The following GDPD1 variants were observed in gnomAD, a reference collection of about 807,000 sequenced individuals.
GDPD1 encodes the protein lysophospholipase D GDPD1.
In GDPD1, 28 loss-of-function variants were observed where a neutral mutation model predicts 45.1. That is an observed-to-expected ratio of 0.62 (90% CI 0.46 to 0.85). GDPD1 has a LOEUF of 0.85. Among genes scored for constraint, GDPD1 ranks in the 40% least tolerant of loss-of-function variants. GDPD1 has a pLI of 0.00. For synonymous variants in GDPD1, 139 were observed against 131.4 expected (o/e 1.06, Z -0.40); for missense variants, 256 against 364.8 (o/e 0.70, Z 2.43).
intron 1 of GDPD1, among the ~76,000 whole-genome samples, chr17:59,222,890 G>T (rs982801231): frequency 9.9e-5 from 15 of 152,076 alleles, no homozygotes; most frequent in African/African-American, 3.4e-4. Flanking sequence ...GTTGTTTACC[G>T]ATTTACAAAA....
Position 59,275,300 on chromosome 17 carries a change from C to G in GDPD1, c.*1527C>G, listed in dbSNP as rs549381624. ...ATACATAATCAGCAGCAGCCAGGCTCAAGAAAATAAAAGTTGATTAGTTGA... is the reference window on the plus strand; with the variant it reads ...ATACATAATCAGCAGCAGCCAGGCTGAAGAAAATAAAAGTTGATTAGTTGA... On this transcript the variant is annotated 3_prime_UTR_variant, in exon 10 of 10. Transcript: ENST00000284116. 3.5e-5 allele frequency: 32 copies of G among 913,616 alleles called. No individual in the cohort carries two copies. Among genetic ancestry groups the G allele is most frequent in the Admixed American group, 2.4e-4 (10 of 41,580 alleles). The allele number at this position is 913,616 out of a possible 1,614,324, so 56.6% of individuals were successfully genotyped here.
chr17:59,234,877 A>G (rs2047119954), intron 2 of GDPD1, among the ~76,000 whole-genome samples: 1 of 152,150 alleles, frequency 6.6e-6, no homozygotes, highest in African/African-American at 2.4e-5. Flanking sequence ...AGTGGCTGCT[A>G]TTTATGAACA....
At chr17:59,237,258 CGGGCGTGGTG>C (rs2047139817) in intron 2 of GDPD1, among the ~76,000 whole-genome samples, 1 of 151,852 alleles carries the variant, frequency 6.6e-6, no homozygotes, top group South Asian at 2.1e-4. Context: ...AAAAATTAAC[CGGGCGTGGTG>C]GTGCAAGCTG....
intron 1 of GDPD1, among the ~76,000 whole-genome samples, chr17:59,226,944 G>A (rs910892887): frequency 1.3e-5 from 2 of 151,460 alleles, no homozygotes; most frequent in Admixed American, 6.6e-5. Flanking sequence ...GCCTCCCAAT[G>A]TGTGGGGATT....
At chr17:59,249,324 G>A (rs968445004) in intron 4 of GDPD1, 3 of 152,212 alleles carry the variant, frequency 2.0e-5, no homozygotes, top group African/African-American at 7.2e-5. Flanking sequence ...GAACCTGGGA[G>A]GCGGAGGTTG....
intron 1 of GDPD1, among the ~76,000 whole-genome samples, chr17:59,228,170 T>TAAAAAAAAAA (rs36140380): frequency 4.4e-5 from 4 of 91,658 alleles, no homozygotes; most frequent in African/African-American, 1.3e-4. Flanking sequence ...AGACTCCATC[T>TAAAAAAAAAA]AAAAAAAAAA....
At chr17:59,239,067 G>A (rs1022912911) in intron 2 of GDPD1, among the ~76,000 whole-genome samples, 5 of 152,146 alleles carry the variant, frequency 3.3e-5, no homozygotes, top group Admixed American at 6.6e-5. Flanking sequence ...AGTATTAGCC[G>A]GAATGGTAAG....
intron 6 of GDPD1, 138 bp downstream of exon 6, chr17:59,257,978 G>A (rs2147896571): frequency 2.2e-6 from 1 of 453,404 alleles, no homozygotes; most frequent in Non-Finnish European, 3.8e-6. Flanking sequence ...CCAGGCTGGA[G>A]TGCAGTGGTG....
chr17:59,258,657 T>G (rs534339076), intron 6 of GDPD1, among the ~76,000 whole-genome samples: 1 of 152,350 alleles, frequency 6.6e-6, no homozygotes, highest in South Asian at 2.1e-4. Context: ...GATTTGAACC[T>G]AGCAATATAA....
intron 7 of GDPD1, among the ~76,000 whole-genome samples, chr17:59,268,536 G>A (rs1441620254): frequency 4.8e-5 from 6 of 126,272 alleles, no homozygotes; most frequent in Admixed American, 2.0e-4. Flanking sequence ...CGGAGATTGC[G>A]CCACTGCACT....
At chr17:59,252,413 A>G (rs1289202906) in intron 4 of GDPD1, among the ~76,000 whole-genome samples, 1 of 151,126 alleles carries the variant, frequency 6.6e-6, no homozygotes, top group Non-Finnish European at 1.5e-5. Context: ...TAATTTTTGT[A>G]TTTTTAGTAG....
chr17:59,245,453 C>A lies in GDPD1; in HGVS notation c.225C>A (p.Cys75Ter). ...KIGTDMLELD[C>*]HITKDEQVVV... Reference sequence around the variant, plus strand: ...GAACTGATATGCTAGAATTGGACTGCCATATCACAAAAGATGAACAAGTTG... The same window carrying A: ...GAACTGATATGCTAGAATTGGACTGACATATCACAAAAGATGAACAAGTTG... The change falls in exon 3 of 10, where the codon TGC becomes TGA. Residue 75 changes from cysteine to a stop codon, truncating the protein, a stop_gained. Coordinates refer to ENST00000284116, the MANE Select transcript of GDPD1 (RefSeq NM_182569.4). LOFTEE classifies it high-confidence loss of function. The A allele has an allele frequency of 6.2e-7, 1 of 1,609,380 alleles. No homozygotes were observed. Among genetic ancestry groups the A allele is most frequent in the Admixed American group, 1.7e-5 (1 of 59,892 alleles).
intron 6 of GDPD1, among the ~76,000 whole-genome samples, chr17:59,264,910 G>T (rs1335218460): frequency 6.6e-6 from 1 of 151,296 alleles, no homozygotes; most frequent in South Asian, 2.1e-4. Flanking sequence ...GCTCAATCTT[G>T]GCTCACTGCA....
rs187435434 is a variant in GDPD1 at position 59,263,733 on chromosome 17, G to A, written c.577-3308G>A. On this transcript the variant is annotated intron_variant, in intron 6 of 9. Coordinates refer to ENST00000284116, the MANE Select transcript of GDPD1 (RefSeq NM_182569.4). ...AACCTCAGGTGATCCACCTGCCTCGGCCTCCCAAAGTGCTGGGATTACAGG... is the reference window on the plus strand; with the variant it reads ...AACCTCAGGTGATCCACCTGCCTCGACCTCCCAAAGTGCTGGGATTACAGG... 4.2e-3 allele frequency among the ~76,000 whole-genome samples: 645 copies of A among 151,804 alleles called. 5 individuals are homozygous for A. The highest frequency in any genetic ancestry group is 0.015 in the African/African-American group (611 of 41,408).
Position 59,251,673 on chromosome 17 carries a change from G to T in GDPD1, c.367+2888G>T, listed in dbSNP as rs537207046. 6.6e-5 allele frequency among the ~76,000 whole-genome samples: 10 copies of T among 152,086 alleles called. No individual in the cohort carries two copies. In the East Asian group the frequency reaches 1.2e-3, roughly 18 times the overall value. On this transcript the variant is annotated intron_variant, in intron 4 of 9. Transcript: ENST00000284116. ...TTTAGGACTGATCCTCAAATGTGAA[G>T]TTGACTGCATTTGGAACAGACTAAT...
In GDPD1 at chr17:59,275,153, T is replaced by C. The variant is rs1312881439; in HGVS notation, c.*1380T>C. On this transcript the variant is annotated 3_prime_UTR_variant, in exon 10 of 10. Coordinates refer to ENST00000284116, the MANE Select transcript of GDPD1 (RefSeq NM_182569.4). ...CACTGCACCCGGCCAGTAAAAGAAA[T>C]TTTGAAGGCCATTGCAGCTATTTGG... The C allele has an allele frequency of 6.5e-7, 1 of 1,537,050 alleles. No homozygotes were observed. Among genetic ancestry groups the C allele is most frequent in the Non-Finnish European group, 8.7e-7 (1 of 1,146,726 alleles).
rs1203946108 is a variant in GDPD1, at chr17:59,255,762, AATATAT to A, written c.368-1342_368-1337del. 3.0e-3 allele frequency among the ~76,000 whole-genome samples: 134 copies of A among 44,320 alleles called. 1 individual carries two copies. Among genetic ancestry groups the A allele is most frequent in the Non-Finnish European group, 3.6e-3 (103 of 28,394 alleles). The allele number at this position is 44,320 out of a possible 152,430, so 29.1% of individuals were successfully genotyped here. ...CCGTCTCAAAAAAAAAAAAAAAAAA[AATATAT>A]ATATATATATATATATACGCGTATA... On this transcript the variant is annotated intron_variant, in intron 4 of 9. Transcript: ENST00000284116.
At position 59,270,949 on chromosome 17, in the gene GDPD1, C is replaced by T; in HGVS notation, c.724C>T (p.His242Tyr). 6.2e-7 allele frequency: 1 copy of T among 1,602,274 alleles called. No homozygotes were observed. The highest frequency in any genetic ancestry group is 8.5e-7 in the Non-Finnish European group (1 of 1,172,728). ...ATTTTACCCTAGGCTAAAAGAACCACACACCATGTCCAGAAGTCAAAAGTT... is the reference window on the plus strand; with the variant it reads ...ATTTTACCCTAGGCTAAAAGAACCATACACCATGTCCAGAAGTCAAAAGTT... ...PSIILKLKEPHTMSRSQKFLI... is the reference protein window; with the variant it reads ...PSIILKLKEPYTMSRSQKFLI... Residue 242 changes from histidine to tyrosine, a missense_variant, in exon 8 of 10, where the codon CAC becomes TAC. Physicochemically the swap from His to Tyr is moderately conservative, Grantham distance 83. Transcript: ENST00000284116.
chr17:59,234,345 C>T lies in GDPD1; in HGVS notation c.143-147C>T, dbSNP rs2047114709. On this transcript the variant is annotated intron_variant, in intron 1 of 9. Transcript: ENST00000284116. ...CAGCCTGGGTGACAGAGCAAGACTCCGTCTCAAAAAAACCCAAAAAAACAC... is the reference window on the plus strand; with the variant it reads ...CAGCCTGGGTGACAGAGCAAGACTCTGTCTCAAAAAAACCCAAAAAAACAC... The T allele has an allele frequency of 5.2e-6, 3 of 578,532 alleles. No homozygotes were observed. In the Admixed American group the frequency reaches 9.6e-5, roughly 19 times the overall value. The allele number at this position is 578,532 out of a possible 1,614,324, so 35.8% of individuals were successfully genotyped here. A position where few individuals can be genotyped will look rare whatever the true frequency, so the allele number is the denominator to read the frequency against.
Sources: gnomAD v4.1 joint callset for allele counts (sites outside exome capture counted in the v4.1 genomes callset) on GRCh38, gnomAD v4.1.1 for gene constraint, MANE v1.5 for transcripts, NCBI Gene and HGNC (gene_info 2026-07-23, HGNC 2026-07-21) for gene names.